The following GRIP1 variants were observed in gnomAD, a reference collection of about 807,000 sequenced individuals.
GRIP1 encodes the protein glutamate receptor-interacting protein 1.
GRIP1 carries 45 observed loss-of-function variants against 129.9 expected under a neutral mutation model. The observed-to-expected ratio is 0.35, with a 90% CI of 0.27 to 0.44. The LOEUF (loss-of-function observed/expected upper bound fraction) is 0.44, where lower values mean the gene tolerates loss of function less well. Ranked by LOEUF, GRIP1 falls within the 20% of genes least tolerant of loss-of-function variation. The pLI is 1.00. For missense variants in GRIP1, 1,196 were observed against 1,396.8 expected, an observed-to-expected ratio of 0.86 and a Z score of 2.29; for synonymous variants, 530 against 520.8, an observed-to-expected ratio of 1.02 and a Z score of -0.24.
rs750621046 is a variant in GRIP1 at position 66,539,173 on chromosome 12, T to C, written c.323A>G (p.Asn108Ser). 1 of 1,614,034 alleles carries C rather than the reference T, an allele frequency of 6.2e-7. No individual in the cohort carries two copies. Among genetic ancestry groups the C allele is most frequent in the Admixed American group, 1.7e-5 (1 of 60,000 alleles). ...GDYIKAVNGI[N>S]LAKFRHDEII... ...CTCGTCATGGCGGAATTTGGCCAGG[T>C]TGATTCCATTCACTGCTTTGATGTA... The change falls in exon 4 of 25, where the codon AAC (asparagine) becomes AGC (serine). Residue 108 changes from asparagine (N) to serine (S), a missense_variant. Physicochemically the swap from Asn to Ser is conservative, Grantham distance 46. Coordinates refer to ENST00000359742, the MANE Select transcript of GRIP1 (RefSeq NM_001366722.1).
At chr12:66,520,303 AC>A (rs1454379411) in intron 5 of GRIP1, among the ~76,000 whole-genome samples, 6 of 152,288 alleles carry the variant, frequency 3.9e-5, no homozygotes, top group Non-Finnish European at 8.8e-5. Context: ...GGTAGTGACC[AC>A]CTTTTGAACA....
In GRIP1 at chr12:66,510,682, C is replaced by G. The variant is rs541944076; in HGVS notation, c.724+4937G>C. On this transcript the variant is annotated intron_variant, in intron 7 of 24. Coordinates refer to ENST00000359742, the MANE Select transcript of GRIP1 (RefSeq NM_001366722.1). The stretch of plus-strand genomic sequence containing the variant: ...GTTTCAATAGCTTTCCTAAACAGAC[C>G]ACTGAATTTGCTAAAGTTTATCATT... Among the ~76,000 whole-genome samples the G allele has an allele frequency of 3.7e-4, 56 of 151,442 alleles. 1 individual carries two copies. In the South Asian group the frequency reaches 0.011, roughly 31 times the overall value.
At chr12:66,378,344 CG>C (rs1326736007) in intron 20 of GRIP1, among the ~76,000 whole-genome samples, 3 of 152,164 alleles carry the variant, frequency 2.0e-5, no homozygotes, top group African/African-American at 7.2e-5. Context: ...CCCAGCTAAT[CG>C]GGGGTCTAAG....
intron 1 of GRIP1, among the ~76,000 whole-genome samples, chr12:66,904,832 C>A (rs1331548073): frequency 6.6e-6 from 1 of 150,896 alleles, no homozygotes; most frequent in Non-Finnish European, 1.5e-5. Context: ...GCAGAGGTTG[C>A]AGTGAGCCAA....
At chr12:66,758,991 T>C (rs1233714088) in intron 1 of GRIP1, among the ~76,000 whole-genome samples, 2 of 152,092 alleles carry the variant, frequency 1.3e-5, no homozygotes, top group African/African-American at 4.8e-5. Flanking sequence ...CGTTCTGGGG[T>C]CTGGAGGACG....
At chr12:66,436,034 C>G (rs930043556) in intron 13 of GRIP1, among the ~76,000 whole-genome samples, 5 of 152,124 alleles carry the variant, frequency 3.3e-5, no homozygotes, top group Non-Finnish European at 7.4e-5. Context: ...TTTGGAAAAA[C>G]AGCAGGTTTA....
At chr12:66,570,794 A>G (rs12321495) in intron 2 of GRIP1, among the ~76,000 whole-genome samples, 2,585 of 152,204 alleles carry the variant, frequency 0.017, 69 homozygotes, top group African/African-American at 0.059. Context: ...CTCCCCTCAA[A>G]TTGTATAAAC....
intron 1 of GRIP1, among the ~76,000 whole-genome samples, chr12:66,654,867 C>T (rs1456779063): frequency 1.3e-5 from 2 of 152,114 alleles, no homozygotes; most frequent in African/African-American, 2.4e-5. Context: ...TATTGTAAGT[C>T]TGGGAAGCTG....
At chr12:66,456,378 A>C in intron 9 of GRIP1, 36 bp from the exon 10 acceptor site, 1 of 1,192,008 alleles carries the variant, frequency 8.4e-7, no homozygotes, top group South Asian at 1.3e-5. Context: ...AATAAGAAAA[A>C]CAAACGAACA....
chr12:66,849,617 A>G (rs1485972082), intron 1 of GRIP1, among the ~76,000 whole-genome samples: 1 of 152,154 alleles, frequency 6.6e-6, no homozygotes, highest in Admixed American at 6.6e-5. Flanking sequence ...CCCTGTCTCA[A>G]AAAACAAAAA....
intron 1 of GRIP1, among the ~76,000 whole-genome samples, chr12:66,864,576 G>A (rs1055382227): frequency 1.3e-5 from 2 of 151,922 alleles, no homozygotes; most frequent in African/African-American, 2.4e-5. Flanking sequence ...AAAATAGCTG[G>A]GTATGGTGGT....
At chr12:67,068,997 C>A (rs945981180) in intron 1 of GRIP1, 24 of 853,538 alleles carry the variant, frequency 2.8e-5, no homozygotes, top group Non-Finnish European at 2.4e-5. Flanking sequence ...AGGCACCGGG[C>A]GGCCCCGGCC....
At chr12:66,542,170 C>G (rs891533712) in intron 2 of GRIP1, among the ~76,000 whole-genome samples, 1 of 98,930 alleles carries the variant, frequency 1.0e-5, no homozygotes, top group Non-Finnish European at 2.0e-5. Flanking sequence ...GTGGGGTATT[C>G]ACTCCAGGTT....
chr12:66,730,039 G>A (rs568311842), intron 1 of GRIP1, among the ~76,000 whole-genome samples: 10 of 152,198 alleles, frequency 6.6e-5, no homozygotes, highest in African/African-American at 2.2e-4. Context: ...CTATTTAAGT[G>A]AATATTCAGA....
intron 1 of GRIP1, among the ~76,000 whole-genome samples, chr12:66,618,341 G>A (rs920459182): frequency 1.3e-5 from 2 of 152,054 alleles, no homozygotes; most frequent in African/African-American, 4.8e-5. Flanking sequence ...GCTTCTATTT[G>A]CATAAAGAAC....
intron 2 of GRIP1, among the ~76,000 whole-genome samples, chr12:66,590,836 A>T (rs946471266): frequency 1.3e-5 from 2 of 152,180 alleles, no homozygotes; most frequent in Non-Finnish European, 2.9e-5. Flanking sequence ...GTGGAGCTTC[A>T]AGGCCAAATG....
chr12:66,595,274 G>T (rs1434306150), intron 2 of GRIP1, among the ~76,000 whole-genome samples: 1 of 152,088 alleles, frequency 6.6e-6, no homozygotes, highest in East Asian at 1.9e-4. Flanking sequence ...ACAAACCAGG[G>T]ATTATGATGA....
intron 1 of GRIP1, among the ~76,000 whole-genome samples, chr12:67,001,864 C>T (rs560762339): frequency 3.9e-5 from 6 of 152,256 alleles, no homozygotes; most frequent in East Asian, 1.9e-4. Context: ...TATCTGCAGA[C>T]ATTTCATGAG....
intron 1 of GRIP1, among the ~76,000 whole-genome samples, chr12:66,708,892 G>GA (rs1176157375): frequency 1.3e-5 from 2 of 149,950 alleles, no homozygotes; most frequent in African/African-American, 2.4e-5. Context: ...GATATTTTTT[G>GA]AAAAAAAAAT....
Sources: allele counts gnomAD v4.1 joint callset (sites outside exome capture counted in the v4.1 genomes callset), GRCh38; gene constraint gnomAD v4.1.1; transcripts MANE v1.5; gene names NCBI Gene and HGNC (gene_info 2026-07-23, HGNC 2026-07-21).